Variants in CCDC39 observed in about 807,000 individuals in gnomAD.
CCDC39 encodes the protein coiled-coil domain 39 molecular ruler complex subunit, also known as coiled-coil domain-containing protein 39.
A neutral mutation model predicts 121.0 loss-of-function variants in CCDC39; 113 were observed. The observed-to-expected ratio is 0.93, with a 90% CI of 0.80 to 1.09. The LOEUF (loss-of-function observed/expected upper bound fraction) is 1.09. Among genes scored for constraint, CCDC39 ranks in the 50% least tolerant of loss-of-function variants. The pLI, the probability that CCDC39 is intolerant of heterozygous loss-of-function variation, is 0.00. For synonymous variants in CCDC39, 349 were observed against 352.2 expected, an observed-to-expected ratio of 0.99 and a Z score of 0.10; for missense variants, 1,063 against 1,074.7, an observed-to-expected ratio of 0.99 and a Z score of 0.15.
chr3:180,624,875 G>A (rs1395823593), intron 14 of CCDC39, among the ~76,000 whole-genome samples: 1 of 152,126 alleles, frequency 6.6e-6, no homozygotes, highest in Admixed American at 6.5e-5. Flanking sequence ...GATTTCTGCT[G>A]AGAAGTCTGC....
chr3:180,639,841 AAGTT>A (rs1274903130), intron 13 of CCDC39, among the ~76,000 whole-genome samples: 1 of 152,126 alleles, frequency 6.6e-6, no homozygotes. Context: ...AAGGAACTGT[AAGTT>A]AGTTATCTAG....
chr3:180,643,139 T>G (rs1464769165), intron 12 of CCDC39, among the ~76,000 whole-genome samples: 2 of 152,000 alleles, frequency 1.3e-5, no homozygotes, highest in Non-Finnish European at 2.9e-5. Context: ...TTTTGTATTT[T>G]TAGTAGAGAT....
At chr3:180,677,168 T>TTATATACATA (rs1712247840) in intron 1 of CCDC39, among the ~76,000 whole-genome samples, 3 of 35,176 alleles carry the variant, frequency 8.5e-5, no homozygotes, top group Non-Finnish European at 1.6e-4. Context: ...AATAATAATT[T>TTATATACATA]TATATATATA....
At chr3:180,617,732 A>AT (rs1271294942) in intron 16 of CCDC39, 1 of 376,592 alleles carries the variant, frequency 2.7e-6, no homozygotes, top group African/African-American at 2.1e-5. Flanking sequence ...GAGTAAAAAA[A>AT]TTTTACAAAA....
At position 180,660,632 on chromosome 3, in the gene CCDC39, G is replaced by A. The variant is rs1409086113; in HGVS notation, c.454C>T (p.His152Tyr). ...ALEAWLEESA[H>Y]KDSDALTLQK... ...AGAGTGAGAGCATCACTATCTTTATGAGCTGATTCTTCTAACCAGGCCTCC... is the reference window on the plus strand; with the variant it reads ...AGAGTGAGAGCATCACTATCTTTATAAGCTGATTCTTCTAACCAGGCCTCC... Residue 152 changes from histidine (H) to tyrosine (Y), a missense_variant, in exon 4 of 20, where the codon CAT becomes TAT. His to Tyr is a moderately conservative substitution (Grantham distance 83). Transcript: ENST00000476379. 9 of 1,602,738 alleles carry A rather than the reference G, an allele frequency of 5.6e-6. No individual in the cohort carries two copies. The East Asian group carries it at 8.9e-5, about 16-fold the overall frequency.
chr3:180,620,437 G>T (rs1717403029), intron 14 of CCDC39, among the ~76,000 whole-genome samples: 1 of 151,900 alleles, frequency 6.6e-6, no homozygotes, highest in Non-Finnish European at 1.5e-5. Context: ...TTTAAAAAAA[G>T]ATCATTGTAA....
chr3:180,677,152 AATAATAATAATAATTTTATATATATATAT>A lies in CCDC39; in HGVS notation c.90+2110_90+2138del, dbSNP rs58647700. Reference sequence around the variant, plus strand: ...CTAAAACTTAAAGTATTATAATAATAATAATAATAATAATTTTATATATATATATATATATATATATATATATATATATA... The same window carrying A: ...CTAAAACTTAAAGTATTATAATAATAATATATATATATATATATATATATA... On this transcript the variant is annotated intron_variant, in intron 1 of 19. Coordinates refer to ENST00000476379, the MANE Select transcript of CCDC39 (RefSeq NM_181426.2). Among the ~76,000 whole-genome samples the A allele has an allele frequency of 5.0e-3, 573 of 115,012 alleles. 7 individuals carry two copies. The highest frequency in any genetic ancestry group is 0.019 in the African/African-American group (550 of 29,542). The allele number at this position is 115,012 out of a possible 152,430, so 75.5% of individuals were successfully genotyped here.
intron 13 of CCDC39, among the ~76,000 whole-genome samples, chr3:180,632,847 T>C (rs1717732438): frequency 6.6e-6 from 1 of 152,156 alleles, no homozygotes; most frequent in Non-Finnish European, 1.5e-5. Flanking sequence ...TGTGAGGCTA[T>C]AATCAACAAC....
Position 180,659,725 on chromosome 3 carries a change from C to T in CCDC39, c.561G>A (p.Gln187=). Residue 187 remains glutamine (Q), a synonymous_variant, in exon 5 of 20, where the codon CAG becomes CAA. Transcript: ENST00000476379. The part of the protein sequence containing the change: ...QLERLTLECN[Q]KRKILDNELT... Reference sequence around the variant, plus strand: ...GTTCGTTGTCAAGTATCTTTCTTTTCTGATTACATTCCAAAGTTAGTCTTT... The same window carrying T: ...GTTCGTTGTCAAGTATCTTTCTTTTTTGATTACATTCCAAAGTTAGTCTTT... 6.2e-7 allele frequency: 1 copy of T among 1,612,646 alleles called. No individual in the cohort carries two copies. Among genetic ancestry groups the T allele is most frequent in the Non-Finnish European group, 8.5e-7 (1 of 1,179,354 alleles).
chr3:180,619,109 T>C, intron 16 of CCDC39, 150 bp downstream of exon 16: 2 of 596,120 alleles, frequency 3.4e-6, no homozygotes, highest in Non-Finnish European at 5.9e-6. Context: ...TTGTCTCCTT[T>C]AAATGAGACT....
intron 15 of CCDC39, 90 bp from the exon 16 acceptor site, chr3:180,619,455 G>A (rs1053954700): frequency 4.2e-6 from 3 of 709,110 alleles, no homozygotes; most frequent in African/African-American, 3.7e-5. Context: ...CAATATTTTT[G>A]TTATGAAAGT....
chr3:180,644,184 T>C lies in CCDC39; in HGVS notation c.1601A>G (p.Asn534Ser). Residue 534 changes from asparagine (N) to serine (S), a missense_variant, in exon 12 of 20, where the codon AAT (asparagine) becomes AGT (serine). Transcript: ENST00000476379. Reference sequence around the variant, plus strand: ...TCTGTCGATGAAAAGGTTTAGTTCATTTATTTTGGTCATAAGGGACTGTTT... The same window carrying C: ...TCTGTCGATGAAAAGGTTTAGTTCACTTATTTTGGTCATAAGGGACTGTTT... ...DEKQSLMTKI[N>S]ELNLFIDRSE... The C allele has an allele frequency of 1.3e-6, 2 of 1,546,792 alleles. No individual in the cohort carries two copies. Among genetic ancestry groups the C allele is most frequent in the African/African-American group, 2.7e-5 (2 of 73,050 alleles).
chr3:180,655,420 A>G (rs1711557163), intron 6 of CCDC39, among the ~76,000 whole-genome samples: 2 of 152,154 alleles, frequency 1.3e-5, no homozygotes, highest in African/African-American at 4.8e-5. Flanking sequence ...AATAAATAGA[A>G]TACACAAAAC....
In CCDC39 at chr3:180,639,712, C is replaced by G. The variant is rs370814940; in HGVS notation, c.1874+2281G>C. ...TGCTTGGGTTCAGATACACCAAAAT[C>G]TCAGAAATTACTGCTAAAGAACTTA... is the stretch of plus-strand genomic sequence containing the variant. On this transcript the variant is annotated intron_variant, in intron 13 of 19. Transcript: ENST00000476379. Among the ~76,000 whole-genome samples, 59 of 152,100 alleles carry G rather than the reference C, an allele frequency of 3.9e-4. 1 individual carries two copies. The South Asian group carries it at 0.012, about 30-fold the overall frequency.
At chr3:180,650,739 C>A (rs1381613970) in intron 9 of CCDC39, among the ~76,000 whole-genome samples, 1 of 151,428 alleles carries the variant, frequency 6.6e-6, no homozygotes, top group African/African-American at 2.4e-5. Context: ...CGCCTGTAAT[C>A]CCAGCTACTC....
chr3:180,658,804 T>C (rs1358810143), intron 6 of CCDC39, among the ~76,000 whole-genome samples: 1 of 152,008 alleles, frequency 6.6e-6, no homozygotes, highest in East Asian at 1.9e-4. Flanking sequence ...TTCCATGGAG[T>C]AGATAGAATT....
intron 2 of CCDC39, 111 bp from the exon 3 acceptor site, chr3:180,662,118 T>A: frequency 1.0e-6 from 1 of 963,372 alleles, no homozygotes; most frequent in Non-Finnish European, 1.5e-6. Context: ...ATTGCTTACA[T>A]TAAGTACTAC....
intron 11 of CCDC39, among the ~76,000 whole-genome samples, chr3:180,645,886 G>A (rs141974609): frequency 0.027 from 4,152 of 152,148 alleles, 95 homozygotes; most frequent in Non-Finnish European, 0.042. Flanking sequence ...TAGTTCAAAG[G>A]GGGAAGAATT....
At chr3:180,643,514 A>G (rs1016434995) in intron 12 of CCDC39, among the ~76,000 whole-genome samples, 5 of 152,184 alleles carry the variant, frequency 3.3e-5, no homozygotes, top group African/African-American at 1.2e-4. Context: ...TGTTTATCAA[A>G]TTGGCAACAA....
Sources: allele counts gnomAD v4.1 joint callset (sites outside exome capture counted in the v4.1 genomes callset), GRCh38; gene constraint gnomAD v4.1.1; transcripts MANE v1.5; gene names NCBI Gene and HGNC (gene_info 2026-07-23, HGNC 2026-07-21).